The following ITFG1 variants were observed in gnomAD, a reference collection of about 807,000 sequenced individuals.
ITFG1 encodes integrin alpha FG-GAP repeat containing 1, also known as T-cell immunomodulatory protein.
ITFG1 carries 34 observed loss-of-function variants against 81.8 expected under a neutral mutation model. The ratio of observed to expected loss-of-function variants is 0.42; its 90% CI spans 0.32 to 0.55. The LOEUF (loss-of-function observed/expected upper bound fraction) is 0.55, where lower values mean the gene tolerates loss of function less well. Among genes scored for constraint, ITFG1 ranks in the 20% least tolerant of loss-of-function variants. The pLI, the probability that ITFG1 is intolerant of heterozygous loss-of-function variation, is 0.17. For synonymous variants in ITFG1, 285 were observed against 270.6 expected (o/e 1.05, Z -0.52); for missense variants, 672 against 755.4 (o/e 0.89, Z 1.29).
intron 14 of ITFG1, among the ~76,000 whole-genome samples, chr16:47,209,356 A>G (rs1965537699): frequency 6.6e-6 from 1 of 152,160 alleles, no homozygotes; most frequent in Non-Finnish European, 1.5e-5. Flanking sequence ...ATTCCAATAA[A>G]AGCAAAGAAG....
chr16:47,432,461 C>T (rs1969107776), intron 5 of ITFG1, among the ~76,000 whole-genome samples: 1 of 152,140 alleles, frequency 6.6e-6, no homozygotes. Flanking sequence ...AGAAAATTTT[C>T]TCTACACAAA....
chr16:47,437,905 CA>C, intron 5 of ITFG1, among the ~76,000 whole-genome samples: 3 of 152,324 alleles, frequency 2.0e-5, no homozygotes, highest in Admixed American at 2.0e-4. Flanking sequence ...CTGGGAAGCG[CA>C]AGGGGTCAGG....
intron 14 of ITFG1, among the ~76,000 whole-genome samples, chr16:47,166,769 ACC>A (rs1964894882): frequency 6.6e-6 from 1 of 152,092 alleles, no homozygotes; most frequent in Non-Finnish European, 1.5e-5. Flanking sequence ...TTTAGTTTGC[ACC>A]CAAATTAGTT....
chr16:47,179,340 A>G (rs919491992), intron 14 of ITFG1, among the ~76,000 whole-genome samples: 2 of 152,220 alleles, frequency 1.3e-5, no homozygotes, highest in African/African-American at 2.4e-5. Flanking sequence ...ATGTCCATCA[A>G]TGATAGATTG....
intron 12 of ITFG1, among the ~76,000 whole-genome samples, chr16:47,242,524 G>A (rs1470331537): frequency 6.6e-6 from 1 of 151,882 alleles, no homozygotes; most frequent in African/African-American, 2.4e-5. Context: ...AATAAGAAAG[G>A]ACAAGGACTA....
At chr16:47,164,869 C>T (rs1964868063) in intron 14 of ITFG1, among the ~76,000 whole-genome samples, 1 of 152,238 alleles carries the variant, frequency 6.6e-6, no homozygotes, top group African/African-American at 2.4e-5. Flanking sequence ...ATGGCTACTG[C>T]ACTACTCAGT....
At chr16:47,269,731 C>T (rs1423509729) in intron 10 of ITFG1, among the ~76,000 whole-genome samples, 1 of 151,934 alleles carries the variant, frequency 6.6e-6, no homozygotes, top group African/African-American at 2.4e-5. Flanking sequence ...CATTGTAATC[C>T]CAATAAAATT....
At chr16:47,344,166 G>A (rs530430925) in intron 8 of ITFG1, among the ~76,000 whole-genome samples, 10 of 152,266 alleles carry the variant, frequency 6.6e-5, no homozygotes, top group African/African-American at 2.2e-4. Flanking sequence ...TAGAGGCATA[G>A]AAAAAGTTCT....
At chr16:47,377,344 C>G (rs913274809) in intron 6 of ITFG1, among the ~76,000 whole-genome samples, 10 of 152,110 alleles carry the variant, frequency 6.6e-5, no homozygotes, top group African/African-American at 2.2e-4. Context: ...CATTTGTTTA[C>G]TGTTACTCAT....
Position 47,325,679 on chromosome 16 carries a change from GA to G in ITFG1, c.803-11857del, listed in dbSNP as rs1288022602. Among the ~76,000 whole-genome samples the G allele has an allele frequency of 4.6e-5, 7 of 152,288 alleles. 1 individual carries two copies. Among genetic ancestry groups the G allele is most frequent in the African/African-American group, 1.4e-4 (6 of 41,562 alleles). ...CCCACAGAAATACAAACTACCATCA[GA>G]GAATACTATAAACACCTCTACGCAA... is the stretch of plus-strand genomic sequence containing the variant. On this transcript the variant is annotated intron_variant, in intron 8 of 17. Transcript: ENST00000320640.
At chr16:47,338,468 G>T (rs1967738664) in intron 8 of ITFG1, among the ~76,000 whole-genome samples, 1 of 151,880 alleles carries the variant, frequency 6.6e-6, no homozygotes, top group African/African-American at 2.4e-5. Flanking sequence ...CCTAGCAAAC[G>T]ATGGGAGTGG....
intron 10 of ITFG1, chr16:47,300,064 T>G (rs1383363101): frequency 1.3e-5 from 2 of 152,214 alleles, no homozygotes; most frequent in Admixed American, 1.3e-4. Context: ...TAAGTTAGAT[T>G]CAGGACTTGA....
intron 2 of ITFG1, among the ~76,000 whole-genome samples, chr16:47,458,313 T>C (rs1237751297): frequency 6.6e-6 from 1 of 152,202 alleles, no homozygotes; most frequent in Non-Finnish European, 1.5e-5. Context: ...CTTCATAACA[T>C]GCTGTTCTTA....
intron 9 of ITFG1, among the ~76,000 whole-genome samples, chr16:47,313,478 G>A (rs1967300070): frequency 6.6e-6 from 1 of 152,052 alleles, no homozygotes. Flanking sequence ...CATATAAAAA[G>A]CTAAAAGATC....
intron 14 of ITFG1, among the ~76,000 whole-genome samples, chr16:47,210,209 G>C (rs1037335806): frequency 3.3e-5 from 5 of 152,130 alleles, no homozygotes; most frequent in African/African-American, 1.2e-4. Flanking sequence ...ATTAGCATTT[G>C]ATGTTGTCAC....
chr16:47,302,875 T>C (rs1005992879), intron 10 of ITFG1, among the ~76,000 whole-genome samples: 3 of 152,218 alleles, frequency 2.0e-5, no homozygotes, highest in African/African-American at 4.8e-5. Context: ...TGTTTGCACA[T>C]TGGTATGAAG....
chr16:47,339,954 G>A (rs1967758896), intron 8 of ITFG1, among the ~76,000 whole-genome samples: 1 of 151,684 alleles, frequency 6.6e-6, no homozygotes, highest in South Asian at 2.1e-4. Flanking sequence ...AAAATTTTGA[G>A]AACAGAAAAA....
intron 14 of ITFG1, among the ~76,000 whole-genome samples, chr16:47,166,702 C>G (rs1030950263): frequency 6.6e-6 from 1 of 151,720 alleles, no homozygotes; most frequent in African/African-American, 2.4e-5. Context: ...AAAATTAATT[C>G]CATATTGTTG....
chr16:47,285,453 T>C (rs542007775), intron 10 of ITFG1, among the ~76,000 whole-genome samples: 1 of 152,252 alleles, frequency 6.6e-6, no homozygotes, highest in Non-Finnish European at 1.5e-5. Flanking sequence ...CTCCAGCAAA[T>C]TAACTCATAC....
Sources: allele counts gnomAD v4.1 joint callset (sites outside exome capture counted in the v4.1 genomes callset), GRCh38; gene constraint gnomAD v4.1.1; transcripts MANE v1.5; gene names NCBI Gene and HGNC (gene_info 2026-07-23, HGNC 2026-07-21).